RBFOX1: variants seen among roughly 807,000 people sequenced by gnomAD.
The protein encoded by RBFOX1 is RNA binding protein fox-1 homolog 1.
RBFOX1 carries 8 observed loss-of-function variants against 57.7 expected under a neutral mutation model. The observed-to-expected ratio is 0.14, with a 90% CI of 0.08 to 0.25. The LOEUF (loss-of-function observed/expected upper bound fraction) is 0.25, where lower values mean the gene tolerates loss of function less well. Ranked by LOEUF, RBFOX1 falls within the 10% of genes least tolerant of loss-of-function variation. The probability of loss-of-function intolerance (pLI) is 1.00; values close to 1 mark genes in which losing one functional copy is unlikely to be tolerated. For missense variants in RBFOX1, 611 were observed against 548.5 expected (o/e 1.11, Z -1.14); for synonymous variants, 326 against 222.4 (o/e 1.47, Z -4.15).
intron 2 of RBFOX1, among the ~76,000 whole-genome samples, chr16:6,323,864 C>T (rs2082078652): frequency 6.6e-6 from 1 of 152,038 alleles, no homozygotes; most frequent in South Asian, 2.1e-4. Flanking sequence ...CCTACATCTC[C>T]AAGATTCAAG....
chr16:7,223,059 G>A (rs774612514), intron 4 of RBFOX1, among the ~76,000 whole-genome samples: 3 of 152,160 alleles, frequency 2.0e-5, no homozygotes, highest in Non-Finnish European at 2.9e-5. Context: ...TTGCAGATGC[G>A]ATTCTCATTT....
intron 2 of RBFOX1, among the ~76,000 whole-genome samples, chr16:6,522,050 G>A (rs942910687): frequency 1.3e-5 from 2 of 152,052 alleles, no homozygotes; most frequent in Non-Finnish European, 2.9e-5. Context: ...AGGAGATTTG[G>A]CAGAGTAAAA....
At chr16:6,379,240 T>G (rs2091532848) in intron 2 of RBFOX1, among the ~76,000 whole-genome samples, 1 of 152,064 alleles carries the variant, frequency 6.6e-6, no homozygotes, top group South Asian at 2.1e-4. Context: ...AATGGAGAAT[T>G]CATCAGAGAG....
intron 4 of RBFOX1, among the ~76,000 whole-genome samples, chr16:7,154,962 T>C (rs1474600734): frequency 1.3e-5 from 2 of 152,176 alleles, no homozygotes; most frequent in Non-Finnish European, 2.9e-5. Context: ...TTTAAATAAC[T>C]GTATCCTCAG....
At chr16:5,849,134 G>T (rs975450192) in intron 3 of RBFOX1, among the ~76,000 whole-genome samples, 9 of 152,050 alleles carry the variant, frequency 5.9e-5, no homozygotes, top group African/African-American at 2.2e-4. Context: ...GAGCGTCGTT[G>T]GGGTCAGAGA....
chr16:6,866,615 C>CTG (rs1567627894), intron 3 of RBFOX1, among the ~76,000 whole-genome samples: 3 of 135,082 alleles, frequency 2.2e-5, no homozygotes, highest in Non-Finnish European at 3.0e-5. Flanking sequence ...GATCTCGGCT[C>CTG]ACTGCAAGCT....
At chr16:5,778,455 A>C (rs1388827761) in intron 3 of RBFOX1, among the ~76,000 whole-genome samples, 1 of 152,192 alleles carries the variant, frequency 6.6e-6, no homozygotes, top group East Asian at 1.9e-4. Context: ...CCATGAAATT[A>C]TTCAAACAAA....
chr16:6,675,803 C>G (rs1022087707), intron 3 of RBFOX1, among the ~76,000 whole-genome samples: 1 of 151,932 alleles, frequency 6.6e-6, no homozygotes, highest in African/African-American at 2.4e-5. Flanking sequence ...ACCACTGCTA[C>G]GAATCAATTA....
chr16:6,439,376 G>A (rs555335910), intron 2 of RBFOX1, among the ~76,000 whole-genome samples: 5 of 152,300 alleles, frequency 3.3e-5, no homozygotes, highest in African/African-American at 7.2e-5. Flanking sequence ...CATGATTAAC[G>A]TGCTCTGAGT....
intron 1 of RBFOX1, among the ~76,000 whole-genome samples, chr16:5,299,494 T>A (rs557922236): frequency 3.3e-5 from 5 of 152,356 alleles, no homozygotes; most frequent in African/African-American, 1.2e-4. Context: ...GTGTTTAACT[T>A]CATGAGAAAC....
At chr16:6,963,776 G>C (rs1010777222) in intron 3 of RBFOX1, among the ~76,000 whole-genome samples, 3 of 151,962 alleles carry the variant, frequency 2.0e-5, no homozygotes, top group Non-Finnish European at 4.4e-5. Flanking sequence ...TCGGCTCACT[G>C]CAAGCTCCAC....
At chr16:7,220,081 C>A (rs1457173665) in intron 4 of RBFOX1, among the ~76,000 whole-genome samples, 2 of 152,160 alleles carry the variant, frequency 1.3e-5, no homozygotes, top group Non-Finnish European at 2.9e-5. Flanking sequence ...TTAGAGAGAT[C>A]AATTGTGTGT....
chr16:6,701,699 C>G (rs1398755029), intron 3 of RBFOX1, among the ~76,000 whole-genome samples: 2 of 152,228 alleles, frequency 1.3e-5, no homozygotes, highest in East Asian at 1.9e-4. Flanking sequence ...ATGGAATCAA[C>G]CTGAATGCCC....
At chr16:5,455,698 G>T (rs2068609665) in intron 1 of RBFOX1, among the ~76,000 whole-genome samples, 1 of 152,154 alleles carries the variant, frequency 6.6e-6, no homozygotes, top group Admixed American at 6.5e-5. Context: ...TAGACAGGCA[G>T]CCCTTTAGCG....
At position 5,335,244 on chromosome 16, in the gene RBFOX1, A is replaced by G. The variant is rs561660267; in HGVS notation, c.219+95139A>G. 2.0e-5 allele frequency among the ~76,000 whole-genome samples: 3 copies of G among 152,324 alleles called. No homozygotes were observed. The South Asian group carries it at 6.2e-4, about 32-fold the overall frequency. On this transcript the variant is annotated intron_variant, in intron 1 of 2. Coordinates refer to the RBFOX1 transcript ENST00000585867. The stretch of plus-strand genomic sequence containing the variant: ...TCATTGATTCAAAGGAATTCATGAT[A>G]CATCACAGAGATTAGCCTTTTGGTT...
At chr16:5,525,761 G>T (rs553490482) in intron 2 of RBFOX1, among the ~76,000 whole-genome samples, 1 of 152,168 alleles carries the variant, frequency 6.6e-6, no homozygotes, top group African/African-American at 2.4e-5. Context: ...GCCTCCCAAA[G>T]TGCTGGGAAT....
At chr16:5,309,735 A>G (rs117747278) in intron 1 of RBFOX1, among the ~76,000 whole-genome samples, 2,526 of 152,276 alleles carry the variant, frequency 0.017, 35 homozygotes, top group South Asian at 0.027. Flanking sequence ...TATAGAGAGT[A>G]TAATTTTATA....
intron 3 of RBFOX1, among the ~76,000 whole-genome samples, chr16:5,841,415 A>G (rs147089955): frequency 7.2e-5 from 11 of 152,258 alleles, no homozygotes; most frequent in South Asian, 2.1e-4. Context: ...TCTCCATAGT[A>G]TCTTCTTCCC....
At chr16:7,017,843 G>C (rs746001990) in intron 3 of RBFOX1, among the ~76,000 whole-genome samples, 3 of 152,096 alleles carry the variant, frequency 2.0e-5, no homozygotes, top group Admixed American at 6.6e-5. Flanking sequence ...ATTTATTTGT[G>C]CATTCATTCA....
Sources: allele counts gnomAD v4.1 joint callset (sites outside exome capture counted in the v4.1 genomes callset), GRCh38; gene constraint gnomAD v4.1.1; transcripts MANE v1.5; gene names NCBI Gene and HGNC (gene_info 2026-07-23, HGNC 2026-07-21).